The following PDE1C variants were observed in gnomAD, a reference collection of about 807,000 sequenced individuals.
The protein encoded by PDE1C is dual specificity calcium/calmodulin-dependent 3',5'-cyclic nucleotide phosphodiesterase 1C.
PDE1C carries 62 observed loss-of-function variants against 93.1 expected under a neutral mutation model. The observed-to-expected ratio is 0.67, with a 90% confidence interval of 0.54 to 0.82. PDE1C has a LOEUF of 0.82. Ranked by LOEUF, PDE1C falls within the 40% of genes least tolerant of loss-of-function variation. PDE1C has a pLI of 0.00. For synonymous variants in PDE1C, 325 were observed against 310.1 expected (o/e 1.05, Z -0.50); for missense variants, 742 against 884.6 (o/e 0.84, Z 2.04).
At chr7:31,960,637 G>T (rs1440631839) in intron 2 of PDE1C, among the ~76,000 whole-genome samples, 1 of 152,162 alleles carries the variant, frequency 6.6e-6, no homozygotes, top group Non-Finnish European at 1.5e-5. Context: ...GGAAAAAATA[G>T]ATAATGATGA....
chr7:31,649,818 G>C, the PDE1C span, among the ~76,000 whole-genome samples: 1 of 152,162 alleles, frequency 6.6e-6, no homozygotes, highest in African/African-American at 2.4e-5. Context: ...TGGGCTTGGA[G>C]GTGCCAAAGG....
chr7:31,740,871 C>A, the PDE1C span, among the ~76,000 whole-genome samples: 1 of 151,964 alleles, frequency 6.6e-6, no homozygotes, highest in South Asian at 2.1e-4. Context: ...GAGTTTGAGA[C>A]CAGCCTGGGA....
At chr7:31,822,753 C>T (rs767633907) in intron 14 of PDE1C, among the ~76,000 whole-genome samples, 2 of 152,096 alleles carry the variant, frequency 1.3e-5, no homozygotes, top group East Asian at 3.9e-4. Flanking sequence ...AGTTGTGCCA[C>T]ATGATATCAA....
At chr7:31,630,231 A>G in the PDE1C span, among the ~76,000 whole-genome samples, 2 of 125,460 alleles carry the variant, frequency 1.6e-5, no homozygotes, top group Admixed American at 1.8e-4. Flanking sequence ...CAAAGAAAAT[A>G]GAGTCTACTT....
At chr7:32,426,283 T>C (rs897316083) in intron 1 of PDE1C, among the ~76,000 whole-genome samples, 1 of 151,834 alleles carries the variant, frequency 6.6e-6, no homozygotes, top group East Asian at 1.9e-4. Flanking sequence ...ACTTTTTTTT[T>C]TTTTTTTTGA....
intron 3 of PDE1C, among the ~76,000 whole-genome samples, chr7:32,123,076 A>G (rs1799386116): frequency 6.6e-6 from 1 of 152,344 alleles, no homozygotes; most frequent in East Asian, 1.9e-4. Context: ...AGAAAATACT[A>G]TAAATACCTC....
intron 2 of PDE1C, among the ~76,000 whole-genome samples, chr7:31,988,847 T>C (rs1467944012): frequency 1.3e-5 from 2 of 151,636 alleles, no homozygotes; most frequent in African/African-American, 4.8e-5. Flanking sequence ...ATACAAAAAT[T>C]AGCTGGGCGT....
intron 2 of PDE1C, among the ~76,000 whole-genome samples, chr7:32,037,931 T>C (rs974074647): frequency 6.6e-6 from 1 of 152,202 alleles, no homozygotes; most frequent in Admixed American, 6.5e-5. Flanking sequence ...ACATTCAGTA[T>C]GACTTATTTT....
the PDE1C span, among the ~76,000 whole-genome samples, chr7:31,680,439 AGAG>A: frequency 2.0e-5 from 3 of 152,310 alleles, no homozygotes; most frequent in East Asian, 1.9e-4. Context: ...GACTCGGAGA[AGAG>A]GGACCTTTAT....
intron 1 of PDE1C, among the ~76,000 whole-genome samples, chr7:32,386,702 C>A (rs1014572756): frequency 6.9e-6 from 1 of 144,824 alleles, no homozygotes; most frequent in Non-Finnish European, 1.5e-5. Flanking sequence ...TGAACTCCTC[C>A]TGGTCTCAAG....
At chr7:32,057,398 T>G (rs75492340) in intron 1 of PDE1C, among the ~76,000 whole-genome samples, 1,739 of 152,358 alleles carry the variant, frequency 0.011, 36 homozygotes, top group African/African-American at 0.04. Flanking sequence ...CATGTGTGTG[T>G]GTGCGTGCAC....
chr7:32,139,687 C>T (rs1800409766), intron 3 of PDE1C, among the ~76,000 whole-genome samples: 1 of 152,066 alleles, frequency 6.6e-6, no homozygotes, highest in South Asian at 2.1e-4. Flanking sequence ...ATTATGGTGG[C>T]CCATGATTTA....
the PDE1C span, chr7:31,656,119 CT>C: frequency 1.4e-6 from 1 of 726,086 alleles, no homozygotes; most frequent in Non-Finnish European, 1.7e-6. Flanking sequence ...TTTGAAACTC[CT>C]ATATCACTTT....
intron 17 of PDE1C, among the ~76,000 whole-genome samples, chr7:31,759,027 A>G (rs1240537015): frequency 1.3e-5 from 2 of 151,762 alleles, no homozygotes; most frequent in African/African-American, 4.8e-5. Context: ...TCTCCTTGCC[A>G]CTGGAGTCAC....
chr7:32,314,629 C>T (rs890261872), intron 1 of PDE1C, among the ~76,000 whole-genome samples: 6 of 152,212 alleles, frequency 3.9e-5, no homozygotes, highest in East Asian at 1.9e-4. Context: ...ATTTCAAGCC[C>T]TCAGTAACAA....
chr7:31,888,205 G>A (rs1245658529), intron 2 of PDE1C, among the ~76,000 whole-genome samples: 4 of 132,894 alleles, frequency 3.0e-5, no homozygotes, highest in Middle Eastern at 5.1e-3. Context: ...AGCCGAGATT[G>A]TGCCACTGCA....
At chr7:31,957,142 CAT>C (rs1373731817) in intron 2 of PDE1C, among the ~76,000 whole-genome samples, 1 of 149,892 alleles carries the variant, frequency 6.7e-6, no homozygotes, top group Non-Finnish European at 1.5e-5. Context: ...TTTAAAAATA[CAT>C]ATGATTTCCT....
At chr7:31,841,158 A>C (rs1220014532) in intron 9 of PDE1C, among the ~76,000 whole-genome samples, 1 of 150,798 alleles carries the variant, frequency 6.6e-6, no homozygotes, top group African/African-American at 2.4e-5. Flanking sequence ...TATTGTAAAA[A>C]ATTATTTTAT....
rs560465165 is a variant in PDE1C, at chr7:32,186,127, G to T, written c.137-16171C>A. 4.7e-3 allele frequency among the ~76,000 whole-genome samples: 627 copies of T among 132,226 alleles called. 7 individuals are homozygous for T. Among genetic ancestry groups the T allele is most frequent in the African/African-American group, 0.017 (597 of 34,752 alleles). The allele number at this position is 132,226 out of a possible 152,430, so 86.7% of individuals were successfully genotyped here. Reference sequence around the variant, plus strand: ...TTTTTTTTTTTTGAGACGGAGTCTCGCTCTGTCGCCCAGGCCCGACTGCGG... The same window carrying T: ...TTTTTTTTTTTTGAGACGGAGTCTCTCTCTGTCGCCCAGGCCCGACTGCGG... On this transcript the variant is annotated intron_variant, in intron 2 of 18. Transcript: ENST00000396193.
Sources: allele counts gnomAD v4.1 joint callset (sites outside exome capture counted in the v4.1 genomes callset), GRCh38; gene constraint gnomAD v4.1.1; transcripts MANE v1.5; gene names NCBI Gene and HGNC (gene_info 2026-07-23, HGNC 2026-07-21).